Variants in TUSC3 observed in about 807,000 individuals in gnomAD.
TUSC3 encodes tumor suppressor candidate 3.
Under a neutral mutation model 44.8 loss-of-function variants are expected in TUSC3, and 45 were observed. That is an observed-to-expected ratio of 1.00 (90% CI 0.79 to 1.29). The LOEUF is 1.29. Ranked by LOEUF, TUSC3 falls within the 50% of genes most tolerant of loss-of-function variation. TUSC3 has a pLI of 0.00. For missense variants in TUSC3, 519 were observed against 437.9 expected, an observed-to-expected ratio of 1.19 and a Z score of -1.65; for synonymous variants, 212 against 152.9, an observed-to-expected ratio of 1.39 and a Z score of -2.85.
the TUSC3 span, among the ~76,000 whole-genome samples, chr8:15,796,285 C>G: frequency 6.6e-6 from 1 of 152,170 alleles, no homozygotes; most frequent in East Asian, 1.9e-4. Flanking sequence ...TGTGGTGTAT[C>G]TAGGTGAGTG....
downstream of TUSC3, among the ~76,000 whole-genome samples, chr8:15,770,605 G>T (rs1402856144): frequency 6.7e-6 from 1 of 149,062 alleles, no homozygotes; most frequent in Admixed American, 6.6e-5. Flanking sequence ...TGAAAAATAT[G>T]ATCTTAAAAT....
At chr8:15,489,803 C>T (rs1414963320) in intron 2 of TUSC3, among the ~76,000 whole-genome samples, 2 of 152,166 alleles carry the variant, frequency 1.3e-5, no homozygotes, top group Non-Finnish European at 1.5e-5. Context: ...AATAGTTTTT[C>T]AGGTTTACTT....
the TUSC3 span, among the ~76,000 whole-genome samples, chr8:15,777,463 T>G: frequency 6.6e-6 from 1 of 152,214 alleles, no homozygotes; most frequent in East Asian, 1.9e-4. Context: ...TCCCCATGTA[T>G]GCTGCTTAAA....
intron 1 of TUSC3, among the ~76,000 whole-genome samples, chr8:15,584,431 G>A (rs1585125883): frequency 6.6e-6 from 1 of 152,122 alleles, no homozygotes; most frequent in African/African-American, 2.4e-5. Flanking sequence ...CATTAAATGA[G>A]TGCTAGCACT....
the TUSC3 span, among the ~76,000 whole-genome samples, chr8:15,798,362 A>G: frequency 6.6e-6 from 1 of 152,148 alleles, no homozygotes; most frequent in African/African-American, 2.4e-5. Flanking sequence ...AAAAGCCATA[A>G]AAGTTTGAAT....
chr8:15,433,546 C>T (rs1333966003), intron 1 of TUSC3, among the ~76,000 whole-genome samples: 1 of 152,022 alleles, frequency 6.6e-6, no homozygotes, highest in Non-Finnish European at 1.5e-5. Context: ...ACTCCCCCAC[C>T]CATATAACAG....
At chr8:15,461,036 T>A (rs1800337641) in intron 1 of TUSC3, among the ~76,000 whole-genome samples, 1 of 152,204 alleles carries the variant, frequency 6.6e-6, no homozygotes, top group Non-Finnish European at 1.5e-5. Context: ...CATATGAATT[T>A]TAGAATTGTG....
the TUSC3 span, among the ~76,000 whole-genome samples, chr8:15,795,048 G>A: frequency 6.6e-6 from 1 of 152,114 alleles, no homozygotes; most frequent in Non-Finnish European, 1.5e-5. Flanking sequence ...CTGACGGAAA[G>A]AGGTTGGAAC....
chr8:15,442,641 C>T (rs1800036192), intron 1 of TUSC3, among the ~76,000 whole-genome samples: 1 of 152,150 alleles, frequency 6.6e-6, no homozygotes. Context: ...CATCCACAGA[C>T]ACCTCCCCCA....
In TUSC3 at chr8:15,633,966, A is replaced by AT. The variant is rs1805943914; in HGVS notation, c.308+10718dup. On this transcript the variant is annotated intron_variant, in intron 2 of 10. Transcript: ENST00000503731. ...AGGGATGCATAAACACAAGTCAAAT[A>AT]TCCCTCTGGGTCAGCTCCCCCAGGT... is the stretch of plus-strand genomic sequence containing the variant. Among the ~76,000 whole-genome samples, 2 of 152,138 alleles carry AT rather than the reference A, an allele frequency of 1.3e-5. 1 individual carries two copies. The highest frequency in any genetic ancestry group is 4.2e-4 in the South Asian group (2 of 4,818).
chr8:15,694,830 C>T (rs1809089651), intron 6 of TUSC3, among the ~76,000 whole-genome samples: 1 of 152,168 alleles, frequency 6.6e-6, no homozygotes, highest in Non-Finnish European at 1.5e-5. Context: ...CTGGTCACAA[C>T]ACTCCCATGA....
chr8:15,827,473 C>A, the TUSC3 span, among the ~76,000 whole-genome samples: 1 of 152,024 alleles, frequency 6.6e-6, no homozygotes, highest in Non-Finnish European at 1.5e-5. Context: ...GTGTGATAGA[C>A]AGATTGAAAA....
chr8:15,786,518 C>T, the TUSC3 span, among the ~76,000 whole-genome samples: 2 of 152,150 alleles, frequency 1.3e-5, no homozygotes, highest in East Asian at 3.8e-4. Context: ...CATTTCTTCT[C>T]TTTTAATCTA....
At chr8:15,639,860 T>C (rs956197143) in intron 2 of TUSC3, among the ~76,000 whole-genome samples, 16 of 146,566 alleles carry the variant, frequency 1.1e-4, no homozygotes, top group African/African-American at 3.7e-4. Context: ...GATATAGTCC[T>C]TTCTTGTGAT....
chr8:15,637,201 G>A (rs1317959724), intron 2 of TUSC3, among the ~76,000 whole-genome samples: 1 of 151,806 alleles, frequency 6.6e-6, no homozygotes, highest in Non-Finnish European at 1.5e-5. Flanking sequence ...TTCTCCATAT[G>A]TTTAATATTT....
chr8:15,562,359 A>G (rs977222144), intron 1 of TUSC3, among the ~76,000 whole-genome samples: 1 of 152,182 alleles, frequency 6.6e-6, no homozygotes, highest in Admixed American at 6.5e-5. Context: ...CATCCGTCTT[A>G]TCTCCTCTCC....
chr8:15,828,215 G>A, the TUSC3 span, among the ~76,000 whole-genome samples: 11 of 152,010 alleles, frequency 7.2e-5, no homozygotes, highest in Admixed American at 5.2e-4. Flanking sequence ...GGCTGGTCGC[G>A]AACTCCCCAC....
intron 6 of TUSC3, among the ~76,000 whole-genome samples, chr8:15,683,571 T>C (rs1046801072): frequency 2.0e-5 from 3 of 152,148 alleles, no homozygotes; most frequent in African/African-American, 7.2e-5. Context: ...TGGATTGGAG[T>C]TCAGCTTCCT....
At chr8:15,649,577 C>G (rs1297597746) in intron 2 of TUSC3, among the ~76,000 whole-genome samples, 2 of 144,670 alleles carry the variant, frequency 1.4e-5, no homozygotes, top group African/African-American at 2.6e-5. Flanking sequence ...GAGCAAGACT[C>G]CGTCTCAAAA....
Sources: allele counts gnomAD v4.1 joint callset (sites outside exome capture counted in the v4.1 genomes callset), GRCh38; gene constraint gnomAD v4.1.1; transcripts MANE v1.5; gene names NCBI Gene and HGNC (gene_info 2026-07-23, HGNC 2026-07-21).